The following WFDC3 variants were observed in gnomAD, a reference collection of about 807,000 sequenced individuals.
The protein encoded by WFDC3 is WAP four-disulfide core domain 3, also known as WAP four-disulfide core domain protein 3.
In WFDC3, 15 loss-of-function variants were observed where a neutral mutation model predicts 25.8. The ratio of observed to expected loss-of-function variants is 0.58; its 90% CI spans 0.39 to 0.89. The LOEUF is 0.89. WFDC3 is among the 40% of genes least tolerant of loss of function. WFDC3 has a pLI of 0.00. For missense variants in WFDC3, 264 were observed against 289.8 expected (o/e 0.91, Z 0.65); for synonymous variants, 103 against 107.1 (o/e 0.96, Z 0.24).
At chr20:45,775,217 T>C (rs1034359794) in intron 6 of WFDC3, among the ~76,000 whole-genome samples, 200 bp downstream of exon 6, 1 of 152,112 alleles carries the variant, frequency 6.6e-6, no homozygotes, top group African/African-American at 2.4e-5. Flanking sequence ...ATGAGGGTTC[T>C]CATCTGGGAC....
rs200561458 is a variant in WFDC3, at chr20:45,775,381, T to A, written c.679+36A>T. ...AAGCCAGTGCTTTGCACATAGCAGT[T>A]GTCTGTTATTGTTGATGACAATGGA... On this transcript the variant is annotated intron_variant, in intron 6 of 6. Coordinates refer to ENST00000243938, the MANE Select transcript of WFDC3 (RefSeq NM_080614.2). 3 of 1,603,558 alleles carry A rather than the reference T, an allele frequency of 1.9e-6. No homozygotes were observed. The East Asian group carries it at 6.7e-5, about 36-fold the overall frequency.
chr20:45,787,635 G>C (rs1286681504), intron 4 of WFDC3, among the ~76,000 whole-genome samples: 31 of 151,928 alleles, frequency 2.0e-4, no homozygotes, highest in Admixed American at 2.0e-3. Flanking sequence ...GTAAGTTGAG[G>C]CTGCCCTTCT....
rs753457240 is a variant in WFDC3 at position 45,787,895 on chromosome 20, T to G, written c.299A>C (p.Lys100Thr). ...CTTGTTGCAGCCAAGCGTGCAGCAT[T>G]TCTTTACACCTGGACATGTCTCATC... is the stretch of plus-strand genomic sequence containing the variant. ...ITDETCPGVK[K>T]CCTLGCNKSC... The change falls in exon 4 of 7, where the codon AAA becomes ACA. Residue 100 changes from lysine to threonine, a missense_variant. By Grantham distance (78) the Lys-to-Thr change is moderately conservative. Coordinates refer to ENST00000243938, the MANE Select transcript of WFDC3 (RefSeq NM_080614.2). The G allele has an allele frequency of 6.2e-7, 1 of 1,614,152 alleles. No homozygotes were observed. The highest frequency in any genetic ancestry group is 1.3e-5 in the African/African-American group (1 of 75,056).
chr20:45,776,773 G>C (rs937950291), intron 5 of WFDC3, among the ~76,000 whole-genome samples: 2 of 151,236 alleles, frequency 1.3e-5, no homozygotes, highest in African/African-American at 2.4e-5. Flanking sequence ...TACAGATAAA[G>C]AAATTTGGGC....
At chr20:45,774,962 C>G (rs1394770969) in intron 6 of WFDC3, among the ~76,000 whole-genome samples, 1 of 137,238 alleles carries the variant, frequency 7.3e-6, no homozygotes, top group Non-Finnish European at 1.6e-5. Context: ...AAAAAAAAAA[C>G]TGGAGATACG....
At chr20:45,776,635 A>ATATATATAT (rs1219644731) in intron 5 of WFDC3, among the ~76,000 whole-genome samples, 1 of 92,938 alleles carries the variant, frequency 1.1e-5, no homozygotes, top group Non-Finnish European at 2.1e-5. Context: ...AAAAAAAAAA[A>ATATATATAT]ATATATATAT....
Position 45,774,453 on chromosome 20 carries a change from A to G in WFDC3, c.680-9T>C. The G allele has an allele frequency of 6.2e-7, 1 of 1,614,128 alleles. No homozygotes were observed. The highest frequency in any genetic ancestry group is 8.5e-7 in the Non-Finnish European group (1 of 1,179,996). Reference sequence around the variant, plus strand: ...CTAGGGCACCGGGATCTCTGCAAGTAGAAGAAACATCAAGTCACAGCTGTG... The same window carrying G: ...CTAGGGCACCGGGATCTCTGCAAGTGGAAGAAACATCAAGTCACAGCTGTG... On this transcript the variant is annotated splice_polypyrimidine_tract_variant and intron_variant, in intron 6 of 6. Transcript: ENST00000243938.
intron 4 of WFDC3, among the ~76,000 whole-genome samples, chr20:45,777,572 A>G (rs1980249907): frequency 6.6e-6 from 1 of 151,166 alleles, no homozygotes; most frequent in South Asian, 2.1e-4. Context: ...AGGCTAAAGT[A>G]CAGTGGCACA....
At position 45,774,288 on chromosome 20, in the gene WFDC3, G is replaced by A; in HGVS notation, c.*140C>T. On this transcript the variant is annotated 3_prime_UTR_variant, in exon 7 of 7. Coordinates refer to ENST00000243938, the MANE Select transcript of WFDC3 (RefSeq NM_080614.2). ...ATCCAGGGCTATTTCCCATGCTCTGGTCAGCGGCAGGAGGAGAAGCAGAGC... is the reference window on the plus strand; with the variant it reads ...ATCCAGGGCTATTTCCCATGCTCTGATCAGCGGCAGGAGGAGAAGCAGAGC... The A allele has an allele frequency of 3.4e-6, 4 of 1,164,060 alleles. No homozygotes were observed. The highest frequency in any genetic ancestry group is 5.1e-6 in the Non-Finnish European group (4 of 778,352). 72.1% of individuals were successfully genotyped at this position (1,164,060 alleles called of 1,614,324 possible).
At position 45,777,057 on chromosome 20, in the gene WFDC3, C is replaced by T. The variant is rs202225739; in HGVS notation, c.493+18G>A. On this transcript the variant is annotated intron_variant, in intron 5 of 6. Coordinates refer to ENST00000243938, the MANE Select transcript of WFDC3 (RefSeq NM_080614.2). ...TCAGGAAACACTCAAGGATTTCTTC[C>T]CAAAAGAGCCAACATACCTCCCTCA... 490 of 1,611,936 alleles carry T rather than the reference C, an allele frequency of 3.0e-4. No individual in the cohort carries two copies. In the Middle Eastern group the frequency reaches 3.0e-3, roughly 10 times the overall value.
intron 6 of WFDC3, 88 bp from the exon 7 acceptor site, chr20:45,774,532 G>T (rs539094572): frequency 5.7e-5 from 90 of 1,582,778 alleles, no homozygotes; most frequent in Non-Finnish European, 6.8e-5. Context: ...GGAAAGCTTG[G>T]CCTATATTGC....
At position 45,791,864 on chromosome 20, in the gene WFDC3, C is replaced by T. The variant is rs1480009107; in HGVS notation, c.-40G>A. ...CTAAGTGTAACTGTCCTGGGCGAGG[C>T]GCGGCGGTTCGGTTCCCATGGTAAC... On this transcript the variant is annotated 5_prime_UTR_variant, in exon 1 of 7. Transcript: ENST00000243938. 2.5e-5 allele frequency: 13 copies of T among 512,926 alleles called. No individual in the cohort carries two copies. Among genetic ancestry groups the T allele is most frequent in the East Asian group, 7.0e-5 (2 of 28,512 alleles). 31.8% of individuals were successfully genotyped at this position (512,926 alleles called of 1,614,324 possible). A position where few individuals can be genotyped will look rare whatever the true frequency, so the allele number is the denominator to read the frequency against.
intron 2 of WFDC3, 44 bp downstream of exon 2, chr20:45,789,850 C>G: frequency 6.4e-7 from 1 of 1,571,496 alleles, no homozygotes; most frequent in Non-Finnish European, 8.8e-7. Context: ...CTCCTCTAGT[C>G]ACTTTCTGTT....
chr20:45,775,739 A>C, intron 5 of WFDC3, 137 bp from the exon 6 acceptor site: 2 of 1,116,054 alleles, frequency 1.8e-6, no homozygotes, highest in Non-Finnish European at 2.5e-6. Context: ...ACTGGCTGGG[A>C]AACCATGGCG....
chr20:45,776,318 G>GTGTGTGTGTA (rs58644271), intron 5 of WFDC3, among the ~76,000 whole-genome samples: 4,754 of 139,786 alleles, frequency 0.034, 124 homozygotes, highest in Non-Finnish European at 0.042. Flanking sequence ...GTGTGTGTGT[G>GTGTGTGTGTA]TGTTTCCAGC....
chr20:45,789,885 A>G lies in WFDC3; in HGVS notation c.82+9T>C. 4 of 1,613,058 alleles carry G rather than the reference A, an allele frequency of 2.5e-6. No homozygotes were observed. Among genetic ancestry groups the G allele is most frequent in the Non-Finnish European group, 3.4e-6 (4 of 1,179,114 alleles). On this transcript the variant is annotated intron_variant, in intron 2 of 6. Coordinates refer to ENST00000243938, the MANE Select transcript of WFDC3 (RefSeq NM_080614.2). ...TACTGTTGGCCAGGGATCCCAAATGATAGCTCACCATGTTCTCCTGCAGTT... is the reference window on the plus strand; with the variant it reads ...TACTGTTGGCCAGGGATCCCAAATGGTAGCTCACCATGTTCTCCTGCAGTT...
chr20:45,782,361 CT>C (rs1980484702), intron 4 of WFDC3, among the ~76,000 whole-genome samples: 1 of 151,550 alleles, frequency 6.6e-6, no homozygotes, highest in African/African-American at 2.4e-5. Context: ...TTTTTGGGGG[CT>C]TTTTTGTTTT....
intron 4 of WFDC3, among the ~76,000 whole-genome samples, chr20:45,780,508 C>T (rs193048488): frequency 6.6e-6 from 1 of 152,298 alleles, no homozygotes; most frequent in Non-Finnish European, 1.5e-5. Context: ...CTTTGCCATG[C>T]TAGGTAAGGT....
At chr20:45,781,235 C>T (rs1023241895) in intron 4 of WFDC3, among the ~76,000 whole-genome samples, 10 of 151,268 alleles carry the variant, frequency 6.6e-5, no homozygotes, top group East Asian at 3.9e-4. Flanking sequence ...GGTGACAGAG[C>T]GAGACTCCAT....
Sources: gnomAD v4.1 joint callset for allele counts (sites outside exome capture counted in the v4.1 genomes callset) on GRCh38, gnomAD v4.1.1 for gene constraint, MANE v1.5 for transcripts, NCBI Gene and HGNC (gene_info 2026-07-23, HGNC 2026-07-21) for gene names.